The following NAALADL2 variants were observed in gnomAD, a reference collection of about 807,000 sequenced individuals.
NAALADL2 encodes N-acetylated alpha-linked acidic dipeptidase like 2.
A neutral mutation model predicts 87.2 loss-of-function variants in NAALADL2; 76 were observed. The ratio of observed to expected loss-of-function variants is 0.87; its 90% confidence interval spans 0.72 to 1.05. The LOEUF (loss-of-function observed/expected upper bound fraction) is 1.05, where lower values mean the gene tolerates loss of function less well. NAALADL2 is among the 50% of genes least tolerant of loss of function. The pLI, the probability that NAALADL2 is intolerant of heterozygous loss-of-function variation, is 0.00. For synonymous variants in NAALADL2, 354 were observed against 331.0 expected (o/e 1.07, Z -0.75); for missense variants, 1,089 against 945.8 (o/e 1.15, Z -1.99).
chr3:174,860,814 T>C (rs1726396717), intron 1 of NAALADL2, among the ~76,000 whole-genome samples: 1 of 152,058 alleles, frequency 6.6e-6, no homozygotes, highest in Non-Finnish European at 1.5e-5. Context: ...ATACATTTTG[T>C]TGTTGTTTCT....
chr3:174,635,747 C>A (rs1400182935), intron 2 of NAALADL2, among the ~76,000 whole-genome samples: 2 of 152,102 alleles, frequency 1.3e-5, no homozygotes, highest in African/African-American at 4.8e-5. Context: ...AGGTGACGTG[C>A]CTGTTTGGGC....
At chr3:174,802,564 T>C (rs1313870323) in intron 3 of NAALADL2, among the ~76,000 whole-genome samples, 1 of 152,200 alleles carries the variant, frequency 6.6e-6, no homozygotes, top group Non-Finnish European at 1.5e-5. Context: ...ACATGTGCCA[T>C]GTTGGTTTGC....
chr3:175,712,892 G>C (rs572093088), intron 11 of NAALADL2, among the ~76,000 whole-genome samples: 1 of 152,182 alleles, frequency 6.6e-6, no homozygotes, highest in East Asian at 1.9e-4. Flanking sequence ...AAATCCAACA[G>C]ACCAATATTG....
At chr3:175,152,739 C>T (rs1447503783) in intron 2 of NAALADL2, among the ~76,000 whole-genome samples, 4 of 151,954 alleles carry the variant, frequency 2.6e-5, no homozygotes, top group Non-Finnish European at 5.9e-5. Context: ...AACCCTGTCT[C>T]TATTAAAAAT....
At chr3:174,609,554 C>T (rs1719562436) in intron 2 of NAALADL2, among the ~76,000 whole-genome samples, 1 of 152,104 alleles carries the variant, frequency 6.6e-6, no homozygotes, top group South Asian at 2.1e-4. Flanking sequence ...TGAGTGAACT[C>T]CCATTCACAA....
chr3:174,953,307 TCCCCTCCCCTCCCCTCCC>T, intron 1 of NAALADL2, among the ~76,000 whole-genome samples: 1 of 10,986 alleles, frequency 9.1e-5, no homozygotes, highest in African/African-American at 1.8e-4. Context: ...TCCCCTCCCC[TCCCCTCCCCTCCCCTCCC>T]CTCCCCTCCC....
chr3:174,562,460 T>C (rs1713743492), intron 2 of NAALADL2, among the ~76,000 whole-genome samples: 1 of 152,068 alleles, frequency 6.6e-6, no homozygotes, highest in African/African-American at 2.4e-5. Context: ...TAAGAAAAAT[T>C]TTTTTGTGGA....
intron 11 of NAALADL2, among the ~76,000 whole-genome samples, chr3:175,647,911 A>G (rs1730230672): frequency 6.6e-6 from 1 of 152,146 alleles, no homozygotes; most frequent in Non-Finnish European, 1.5e-5. Flanking sequence ...TTTCCCTTAG[A>G]GCAATCAGAG....
At chr3:174,846,211 A>G (rs1477177848) in intron 3 of NAALADL2, among the ~76,000 whole-genome samples, 1 of 152,200 alleles carries the variant, frequency 6.6e-6, no homozygotes, top group African/African-American at 2.4e-5. Flanking sequence ...CAGGAGAGAT[A>G]GTGTGGCCAA....
chr3:174,758,747 T>C (rs1174841030), intron 3 of NAALADL2, among the ~76,000 whole-genome samples: 1 of 152,238 alleles, frequency 6.6e-6, no homozygotes, highest in African/African-American at 2.4e-5. Flanking sequence ...TTTGTTGAGC[T>C]TAGCAATCTT....
At chr3:175,401,872 A>C (rs1182527124) in intron 5 of NAALADL2, among the ~76,000 whole-genome samples, 1 of 152,150 alleles carries the variant, frequency 6.6e-6, no homozygotes, top group East Asian at 1.9e-4. Context: ...ATGTAAGCAT[A>C]AAAGTCCAGT....
At chr3:174,978,125 G>T (rs1430720636) in intron 1 of NAALADL2, among the ~76,000 whole-genome samples, 1 of 152,160 alleles carries the variant, frequency 6.6e-6, no homozygotes, top group Non-Finnish European at 1.5e-5. Flanking sequence ...CACACTGGCA[G>T]GTGGGGAGTC....
intron 2 of NAALADL2, among the ~76,000 whole-genome samples, chr3:175,221,789 T>TTTA (rs1560185199): frequency 2.0e-5 from 2 of 100,480 alleles, no homozygotes; most frequent in Non-Finnish European, 4.0e-5. Context: ...TTATTTATTT[T>TTTA]TTTGGAGATG....
chr3:175,062,418 T>C (rs2109088265), intron 1 of NAALADL2, among the ~76,000 whole-genome samples: 1 of 151,942 alleles, frequency 6.6e-6, no homozygotes, highest in South Asian at 2.1e-4. Flanking sequence ...ACCACTTAAC[T>C]TGTAATAATG....
At chr3:175,716,183 A>C (rs1295462490) in intron 11 of NAALADL2, among the ~76,000 whole-genome samples, 2 of 145,230 alleles carry the variant, frequency 1.4e-5, no homozygotes, top group African/African-American at 5.1e-5. Flanking sequence ...ATACATATAT[A>C]ATATATGTAT....
intron 5 of NAALADL2, among the ~76,000 whole-genome samples, chr3:175,446,290 G>C (rs576903426): frequency 6.6e-6 from 1 of 151,896 alleles, no homozygotes; most frequent in African/African-American, 2.4e-5. Flanking sequence ...ACCCAGGCTG[G>C]AGTGCAAGTA....
chr3:174,644,261 C>T lies in NAALADL2; in HGVS notation c.-114-93380C>T, dbSNP rs149908353. On this transcript the variant is annotated intron_variant, in intron 2 of 3. Transcript: ENST00000434257. ...ACTGTTGATCAGAAGCCTTAACAAT[C>T]ATATAAACAGTCAATTAATACCTAA... Among the ~76,000 whole-genome samples the T allele has an allele frequency of 3.3e-3, 510 of 152,288 alleles. 20 individuals carry two copies. In the East Asian group the frequency reaches 0.082, roughly 24 times the overall value.
intron 11 of NAALADL2, among the ~76,000 whole-genome samples, chr3:175,730,174 G>A (rs1743483587): frequency 6.6e-6 from 1 of 151,480 alleles, no homozygotes; most frequent in Admixed American, 6.6e-5. Context: ...TGGGTAATGA[G>A]CTACAATAAT....
chr3:174,872,328 A>G (rs1328102924), intron 1 of NAALADL2, among the ~76,000 whole-genome samples: 1 of 152,176 alleles, frequency 6.6e-6, no homozygotes, highest in Non-Finnish European at 1.5e-5. Context: ...TCCATTTTAC[A>G]GAAGGCTCCT....
Sources: gnomAD v4.1 joint callset for allele counts (sites outside exome capture counted in the v4.1 genomes callset) on GRCh38, gnomAD v4.1.1 for gene constraint, MANE v1.5 for transcripts, NCBI Gene and HGNC (gene_info 2026-07-23, HGNC 2026-07-21) for gene names.